Variants in CFAP299 observed in about 807,000 individuals in gnomAD.
CFAP299 encodes cilia- and flagella-associated protein 299.
Under a neutral mutation model 27.0 loss-of-function variants are expected in CFAP299, and 21 were observed. That is an observed-to-expected ratio of 0.78 (90% CI 0.55 to 1.12). CFAP299 has a LOEUF of 1.12. Among genes scored for constraint, CFAP299 ranks in the 50% most tolerant of loss-of-function variants. The pLI is 0.00. For missense variants in CFAP299, 310 were observed against 276.6 expected (o/e 1.12, Z -0.86); for synonymous variants, 104 against 98.1 (o/e 1.06, Z -0.36).
intron 3 of CFAP299, among the ~76,000 whole-genome samples, chr4:80,780,212 C>T (rs1314958942): frequency 6.6e-6 from 1 of 152,086 alleles, no homozygotes; most frequent in Non-Finnish European, 1.5e-5. Context: ...TTCACTCCAT[C>T]AACACCTCTT....
intron 2 of CFAP299, among the ~76,000 whole-genome samples, chr4:80,540,662 C>G (rs183486846): frequency 2.6e-5 from 4 of 152,236 alleles, no homozygotes; most frequent in Admixed American, 6.5e-5. Flanking sequence ...CAGCGTGTTT[C>G]TACACATGGA....
chr4:80,417,908 A>G (rs532862257), intron 2 of CFAP299, among the ~76,000 whole-genome samples: 2 of 152,250 alleles, frequency 1.3e-5, no homozygotes, highest in East Asian at 3.9e-4. Flanking sequence ...TCCAGAGGAA[A>G]AAGCGACAAG....
intron 2 of CFAP299, among the ~76,000 whole-genome samples, chr4:80,580,041 A>C (rs780427272): frequency 3.9e-5 from 6 of 152,138 alleles, no homozygotes; most frequent in Non-Finnish European, 5.9e-5. Context: ...CTGTATAGTC[A>C]TTGTATCAAT....
chr4:80,386,797 C>T (rs1578383423), intron 2 of CFAP299: 2 of 1,067,618 alleles, frequency 1.9e-6, no homozygotes, highest in Non-Finnish European at 2.9e-6. Flanking sequence ...TTGTGTGCGT[C>T]GATAAAGGGC....
At chr4:80,930,153 T>C (rs1393001698) in intron 4 of CFAP299, among the ~76,000 whole-genome samples, 2 of 152,138 alleles carry the variant, frequency 1.3e-5, no homozygotes, top group Non-Finnish European at 2.9e-5. Flanking sequence ...CCATTGGCTT[T>C]ATAAATTATG....
In CFAP299 at chr4:80,910,858, T is replaced by C. The variant is rs189211147; in HGVS notation, c.477-33952T>C. 4.3e-4 allele frequency among the ~76,000 whole-genome samples: 66 copies of C among 152,234 alleles called. No homozygotes were observed. The East Asian group carries it at 8.1e-3, about 19-fold the overall frequency. On this transcript the variant is annotated intron_variant, in intron 4 of 5. Transcript: ENST00000358105. ...ACTGACTATTCTAAAAACAGAATAGTCTTGGAAGTATGAACTCTGGGTTCT... is the reference window on the plus strand; with the variant it reads ...ACTGACTATTCTAAAAACAGAATAGCCTTGGAAGTATGAACTCTGGGTTCT...
intron 2 of CFAP299, among the ~76,000 whole-genome samples, chr4:80,505,901 G>A (rs2110157352): frequency 6.6e-6 from 1 of 152,086 alleles, no homozygotes; most frequent in Non-Finnish European, 1.5e-5. Flanking sequence ...GGAGGCTGCA[G>A]TGCTCTATGA....
intron 3 of CFAP299, among the ~76,000 whole-genome samples, chr4:80,744,406 G>T (rs770782903): frequency 1.3e-5 from 2 of 150,568 alleles, no homozygotes; most frequent in African/African-American, 4.9e-5. Context: ...ACAAAAAAAG[G>T]TGGGGGTGGG....
intron 2 of CFAP299, among the ~76,000 whole-genome samples, chr4:80,434,596 A>G (rs527724153): frequency 6.6e-6 from 1 of 152,318 alleles, no homozygotes; most frequent in African/African-American, 2.4e-5. Context: ...CATCGCCTGT[A>G]AGAGCCCTGG....
intron 3 of CFAP299, among the ~76,000 whole-genome samples, chr4:80,673,780 T>C (rs927266335): frequency 6.6e-6 from 1 of 152,036 alleles, no homozygotes; most frequent in Non-Finnish European, 1.5e-5. Flanking sequence ...TGGCCTTCTG[T>C]CTCTTTTGAT....
rs190594351 is a variant in CFAP299, at chr4:80,692,825, A to G, written c.333+109642A>G. The stretch of plus-strand genomic sequence containing the variant: ...GACAAAGGGCTGATATCCAGAATCT[A>G]TAATGAACTCAAACAAATTTACAAG... On this transcript the variant is annotated intron_variant, in intron 3 of 5. Transcript: ENST00000358105. 5.2e-3 allele frequency among the ~76,000 whole-genome samples: 786 copies of G among 152,342 alleles called. 5 individuals are homozygous for G. Among genetic ancestry groups the G allele is most frequent in the Middle Eastern group, 0.02 (6 of 294 alleles).
intron 4 of CFAP299, 50 bp downstream of exon 4, chr4:80,870,185 T>C (rs1733001038): frequency 6.5e-7 from 1 of 1,542,708 alleles, no homozygotes; most frequent in Non-Finnish European, 8.8e-7. Flanking sequence ...CAAAGACTTT[T>C]TATTTTATGG....
intron 3 of CFAP299, among the ~76,000 whole-genome samples, chr4:80,675,448 T>C (rs962344762): frequency 6.6e-6 from 1 of 152,112 alleles, no homozygotes; most frequent in African/African-American, 2.4e-5. Context: ...CTTGTATGAG[T>C]TGGCCCCTTC....
chr4:80,749,434 T>A (rs1009520231), intron 3 of CFAP299, among the ~76,000 whole-genome samples: 1 of 152,188 alleles, frequency 6.6e-6, no homozygotes, highest in South Asian at 2.1e-4. Context: ...ACAGAATATA[T>A]GTACATATGA....
At chr4:80,488,215 C>T (rs941315707) in intron 2 of CFAP299, among the ~76,000 whole-genome samples, 7 of 152,086 alleles carry the variant, frequency 4.6e-5, no homozygotes, top group Non-Finnish European at 7.4e-5. Flanking sequence ...AACACTACAG[C>T]CCCCCACTGC....
intron 2 of CFAP299, among the ~76,000 whole-genome samples, chr4:80,440,731 C>G (rs944199855): frequency 2.0e-5 from 3 of 152,144 alleles, no homozygotes; most frequent in Non-Finnish European, 4.4e-5. Context: ...CAGAAGTAGT[C>G]TTCAGAAGGT....
In CFAP299 at chr4:80,839,022, T is replaced by C. The variant is rs373827107; in HGVS notation, c.334-30971T>C. Among the ~76,000 whole-genome samples the C allele has an allele frequency of 5.9e-5, 9 of 152,326 alleles. No homozygotes were observed. The South Asian group carries it at 1.9e-3, about 32-fold the overall frequency. On this transcript the variant is annotated intron_variant, in intron 3 of 5. Transcript: ENST00000358105. ...TTCTCCCAAAGACACACTGCTTATT[T>C]AGTTTATCGTTCTTTTAGTGCATAC...
At chr4:80,574,292 A>G (rs935010855) in intron 2 of CFAP299, among the ~76,000 whole-genome samples, 13 of 152,128 alleles carry the variant, frequency 8.5e-5, no homozygotes, top group Admixed American at 2.6e-4. Context: ...TGATTTATCT[A>G]TATTAATTTT....
chr4:80,371,318 A>G (rs1724140369), intron 2 of CFAP299, among the ~76,000 whole-genome samples: 1 of 152,144 alleles, frequency 6.6e-6, no homozygotes, highest in Non-Finnish European at 1.5e-5. Flanking sequence ...GCTGCCACGA[A>G]GGTCTCTGGA....
Sources: allele counts gnomAD v4.1 joint callset (sites outside exome capture counted in the v4.1 genomes callset), GRCh38; gene constraint gnomAD v4.1.1; transcripts MANE v1.5; gene names NCBI Gene and HGNC (gene_info 2026-07-23, HGNC 2026-07-21).